EFNB3: variants seen among roughly 807,000 people sequenced by gnomAD.
EFNB3 encodes the protein ephrin-B3.
EFNB3 carries 14 observed loss-of-function variants against 29.8 expected under a neutral mutation model. The observed-to-expected ratio is 0.47, with a 90% CI of 0.31 to 0.73. The LOEUF (loss-of-function observed/expected upper bound fraction) is 0.73. Ranked by LOEUF, EFNB3 falls within the 30% of genes least tolerant of loss-of-function variation. The pLI is 0.05. For missense variants in EFNB3, 408 were observed against 458.0 expected, an observed-to-expected ratio of 0.89 and a Z score of 1.00; for synonymous variants, 216 against 191.6, an observed-to-expected ratio of 1.13 and a Z score of -1.05.
chr17:7,710,280 T>C lies in EFNB3; in HGVS notation c.*704T>C, dbSNP rs565873779. 6.5e-6 allele frequency: 1 copy of C among 153,830 alleles called. No individual in the cohort carries two copies. Among genetic ancestry groups the C allele is most frequent in the East Asian group, 1.9e-4 (1 of 5,174 alleles). The allele number at this position is 153,830 out of a possible 1,614,324, so 9.5% of individuals were successfully genotyped here. On this transcript the variant is annotated 3_prime_UTR_variant, in exon 5 of 5. Coordinates refer to ENST00000226091, the MANE Select transcript of EFNB3 (RefSeq NM_001406.4). ...GCCTCTACATACTTACTCCAGCCATTTGGGGTGGTTGGGTCATGACAGCTA... is the reference window on the plus strand; with the variant it reads ...GCCTCTACATACTTACTCCAGCCATCTGGGGTGGTTGGGTCATGACAGCTA...
chr17:7,705,598 C>T lies in EFNB3; in HGVS notation c.-1C>T. ...CCCGCCCCCCAGGCCTTGGCGGGGT[C>T]ATGGGGCCCCCCCATTCTGGGCCGG... On this transcript the variant is annotated 5_prime_UTR_variant, in exon 1 of 5. Transcript: ENST00000226091. This position sits in a 1 kb window ranked among gnomAD's most constrained non-coding sequence, Gnocchi z 5.4. The T allele has an allele frequency of 6.8e-7, 1 of 1,471,746 alleles. No individual in the cohort carries two copies. The highest frequency in any genetic ancestry group is 2.7e-5 in the East Asian group (1 of 36,802). The allele number at this position is 1,471,746 out of a possible 1,614,324, so 91.2% of individuals were successfully genotyped here.
chr17:7,709,048 C>T lies in EFNB3; in HGVS notation c.614-119C>T. The T allele has an allele frequency of 2.0e-5, 22 of 1,084,220 alleles. No individual in the cohort carries two copies. The highest frequency in any genetic ancestry group is 2.8e-5 in the Non-Finnish European group (21 of 742,370). The allele number at this position is 1,084,220 out of a possible 1,614,324, so 67.2% of individuals were successfully genotyped here. A position where few individuals can be genotyped will look rare whatever the true frequency, so the allele number is the denominator to read the frequency against. On this transcript the variant is annotated intron_variant, in intron 4 of 4. Coordinates refer to ENST00000226091, the MANE Select transcript of EFNB3 (RefSeq NM_001406.4). The surrounding 1 kb of genome is among the most constrained non-coding windows in gnomAD (Gnocchi z 4.5). Reference sequence around the variant, plus strand: ...CGGAGGGGGAGGAGAGATGGGGTCCCCAAGGGGCCTGGGCGCTACAAGGGA... The same window carrying T: ...CGGAGGGGGAGGAGAGATGGGGTCCTCAAGGGGCCTGGGCGCTACAAGGGA...
rs1201742078 is a variant in EFNB3 at position 7,709,243 on chromosome 17, G to A, written c.690G>A (p.Gly230=). 9 of 1,596,116 alleles carry A rather than the reference G, an allele frequency of 5.6e-6. No homozygotes were observed. Among genetic ancestry groups the A allele is most frequent in the East Asian group, 2.2e-5 (1 of 44,546 alleles). The change falls in exon 5 of 5, where the codon GGG becomes GGA. Residue 230 remains glycine (G), a synonymous_variant. Transcript: ENST00000226091. The surrounding 1 kb of genome is among the most constrained non-coding windows in gnomAD (Gnocchi z 4.5). ...LPPPSMPAVA[G]AAGGLALLLL... ...CTCCCAGCATGCCTGCAGTGGCTGGGGCAGCAGGGGGGCTGGCGCTGCTCT... is the reference window on the plus strand; with the variant it reads ...CTCCCAGCATGCCTGCAGTGGCTGGAGCAGCAGGGGGGCTGGCGCTGCTCT...
At position 7,708,565 on chromosome 17, in the gene EFNB3, GA is replaced by G. The variant is rs770049462; in HGVS notation, c.508+39del. The G allele has an allele frequency of 1.9e-6, 3 of 1,605,848 alleles. No individual in the cohort carries two copies. In the Admixed American group the frequency reaches 5.1e-5, roughly 27 times the overall value. ...GGGGGACACCTCCTGGGCACGAAGG[GA>G]CGTTGGGGCAGTACGATCATGGTTG... is the stretch of plus-strand genomic sequence containing the variant. On this transcript the variant is annotated intron_variant, in intron 3 of 4. Coordinates refer to ENST00000226091, the MANE Select transcript of EFNB3 (RefSeq NM_001406.4). This position sits in a 1 kb window ranked among gnomAD's most constrained non-coding sequence, Gnocchi z 6.8.
chr17:7,709,476 G>A lies in EFNB3; in HGVS notation c.923G>A (p.Cys308Tyr). 1 of 1,613,776 alleles carries A rather than the reference G, an allele frequency of 6.2e-7. No individual in the cohort carries two copies. The highest frequency in any genetic ancestry group is 1.1e-5 in the South Asian group (1 of 91,074). ...RGGGAADPPFCPHYEKVSGDY... is the reference protein window; with the variant it reads ...RGGGAADPPFYPHYEKVSGDY... The stretch of plus-strand genomic sequence containing the variant: ...GGCGGGGCTGCAGATCCCCCCTTCT[G>A]CCCCCACTATGAGAAGGTGAGTGGT... The change falls in exon 5 of 5, where the codon TGC becomes TAC. Residue 308 changes from cysteine to tyrosine, a missense_variant. Coordinates refer to ENST00000226091, the MANE Select transcript of EFNB3 (RefSeq NM_001406.4). This position sits in a 1 kb window ranked among gnomAD's most constrained non-coding sequence, Gnocchi z 4.5.
In EFNB3 at chr17:7,708,593, G is replaced by C. The variant is rs1450912943; in HGVS notation, c.509-42G>C. On this transcript the variant is annotated intron_variant, in intron 3 of 4. Coordinates refer to ENST00000226091, the MANE Select transcript of EFNB3 (RefSeq NM_001406.4). This position sits in a 1 kb window ranked among gnomAD's most constrained non-coding sequence, Gnocchi z 6.8. Reference sequence around the variant, plus strand: ...GTTGGGGCAGTACGATCATGGTTGGGGCAGTTGTCTCAGCCCCTCTCTGGG... The same window carrying C: ...GTTGGGGCAGTACGATCATGGTTGGCGCAGTTGTCTCAGCCCCTCTCTGGG... 1 of 1,589,622 alleles carries C rather than the reference G, an allele frequency of 6.3e-7. No individual in the cohort carries two copies. Among genetic ancestry groups the C allele is most frequent in the South Asian group, 1.1e-5 (1 of 87,824 alleles).
rs533742055 is a variant in EFNB3, at chr17:7,705,830, G to A, written c.122+110G>A. 11 of 1,348,766 alleles carry A rather than the reference G, an allele frequency of 8.2e-6. No homozygotes were observed. The highest frequency in any genetic ancestry group is 1.1e-5 in the Non-Finnish European group (11 of 1,008,898). 83.5% of individuals were successfully genotyped at this position (1,348,766 alleles called of 1,614,324 possible). On this transcript the variant is annotated intron_variant, in intron 1 of 4. Coordinates refer to ENST00000226091, the MANE Select transcript of EFNB3 (RefSeq NM_001406.4). This position sits in a 1 kb window ranked among gnomAD's most constrained non-coding sequence, Gnocchi z 5.4. Reference sequence around the variant, plus strand: ...GCAGGGAGGAGGCGGGAGGGAAGGTGCTGGTGCTCTGATGTGTGATGGGTT... The same window carrying A: ...GCAGGGAGGAGGCGGGAGGGAAGGTACTGGTGCTCTGATGTGTGATGGGTT...
At chr17:7,706,418 G>T (rs1046314504) in intron 1 of EFNB3, among the ~76,000 whole-genome samples, 1 of 152,060 alleles carries the variant, frequency 6.6e-6, no homozygotes, top group African/African-American at 2.4e-5. Context: ...AATCTTTGCT[G>T]CAAACTCTTC....
rs756226132 is a variant in EFNB3, at chr17:7,708,648, G to A, written c.522G>A (p.Gly174=). ...LLRVGQSPRG[G]AVPRKPVSEM... is the part of the protein sequence containing the mutation. ...CCTCATCTCCAGGTCCCCGAGGAGG[G>A]GCTGTCCCCCGAAAACCTGTGTCTG... Residue 174 remains glycine (G), a synonymous_variant, in exon 4 of 5, where the codon GGG becomes GGA. Coordinates refer to ENST00000226091, the MANE Select transcript of EFNB3 (RefSeq NM_001406.4). The surrounding 1 kb of genome is among the most constrained non-coding windows in gnomAD (Gnocchi z 6.8). 8 of 1,579,828 alleles carry A rather than the reference G, an allele frequency of 5.1e-6. No homozygotes were observed. Among genetic ancestry groups the A allele is most frequent in the South Asian group, 1.2e-5 (1 of 86,488 alleles).
At position 7,705,857 on chromosome 17, in the gene EFNB3, C is replaced by A. The variant is rs1202334962; in HGVS notation, c.122+137C>A. 4 of 1,079,526 alleles carry A rather than the reference C, an allele frequency of 3.7e-6. No homozygotes were observed. Among genetic ancestry groups the A allele is most frequent in the Non-Finnish European group, 5.1e-6 (4 of 779,280 alleles). The allele number at this position is 1,079,526 out of a possible 1,614,324, so 66.9% of individuals were successfully genotyped here. On this transcript the variant is annotated intron_variant, in intron 1 of 4. Coordinates refer to ENST00000226091, the MANE Select transcript of EFNB3 (RefSeq NM_001406.4). The surrounding 1 kb of genome is among the most constrained non-coding windows in gnomAD (Gnocchi z 5.4). The stretch of plus-strand genomic sequence containing the variant: ...TGGTGCTCTGATGTGTGATGGGTTA[C>A]TAGACAGGTGATCTTGGGAGCCAGA...
intron 1 of EFNB3, 140 bp from the exon 2 acceptor site, chr17:7,707,818 G>T: frequency 1.0e-6 from 1 of 960,980 alleles, no homozygotes; most frequent in Non-Finnish European, 1.5e-6. Context: ...TCTATAAGAA[G>T]AGACTTTCCA....
chr17:7,708,404 C>G lies in EFNB3; in HGVS notation c.416-31C>G. 1 of 1,602,838 alleles carries G rather than the reference C, an allele frequency of 6.2e-7. No individual in the cohort carries two copies. Among genetic ancestry groups the G allele is most frequent in the Non-Finnish European group, 8.5e-7 (1 of 1,174,472 alleles). Reference sequence around the variant, plus strand: ...AGAATCAGGGCTAGATTCTGGAGTGCCAACCTCTTCCTCTGGCTTTTCTCT... The same window carrying G: ...AGAATCAGGGCTAGATTCTGGAGTGGCAACCTCTTCCTCTGGCTTTTCTCT... On this transcript the variant is annotated intron_variant, in intron 2 of 4. Coordinates refer to ENST00000226091, the MANE Select transcript of EFNB3 (RefSeq NM_001406.4). The surrounding 1 kb of genome is among the most constrained non-coding windows in gnomAD (Gnocchi z 6.8).
chr17:7,709,205 G>C lies in EFNB3; in HGVS notation c.652G>C (p.Gly218Arg), dbSNP rs2151099715. 1.2e-6 allele frequency: 2 copies of C among 1,604,132 alleles called. No individual in the cohort carries two copies. Among genetic ancestry groups the C allele is most frequent in the South Asian group, 2.2e-5 (2 of 90,666 alleles). ...CAATGCAACCTCCCGGGGTGCTGAA[G>C]GCCCCCTGCCCCCTCCCAGCATGCC... Reference protein sequence around the residue: ...TSNATSRGAEGPLPPPSMPAV... With the variant: ...TSNATSRGAERPLPPPSMPAV... The change falls in exon 5 of 5, where the codon GGC becomes CGC. Residue 218 changes from glycine to arginine, a missense_variant. Physicochemically the swap from Gly to Arg is moderately radical, Grantham distance 125. Around this residue, in one of 3 missense-constraint regions of EFNB3, gnomAD observed 233 missense variants for 230.7 expected, o/e 1.01. Transcript: ENST00000226091. The surrounding 1 kb of genome is among the most constrained non-coding windows in gnomAD (Gnocchi z 4.5).
Position 7,708,264 on chromosome 17 carries a change from G to C in EFNB3, c.415+14G>C. On this transcript the variant is annotated intron_variant, in intron 2 of 4. Transcript: ENST00000226091. The surrounding 1 kb of genome is among the most constrained non-coding windows in gnomAD (Gnocchi z 6.8). The stretch of plus-strand genomic sequence containing the variant: ...ACTACATCATTGGTACTGCTGGGCA[G>C]AGGGCACGATTGAGTGGGGGGCTCC... The C allele has an allele frequency of 6.2e-7, 1 of 1,607,240 alleles. No homozygotes were observed. Among genetic ancestry groups the C allele is most frequent in the Non-Finnish European group, 8.5e-7 (1 of 1,178,448 alleles).
chr17:7,705,693 C>T lies in EFNB3; in HGVS notation c.95C>T (p.Pro32Leu). 1 of 1,555,366 alleles carries T rather than the reference C, an allele frequency of 6.4e-7. No homozygotes were observed. The highest frequency in any genetic ancestry group is 8.6e-7 in the Non-Finnish European group (1 of 1,158,192). Residue 32 changes from proline (P) to leucine (L), a missense_variant, in exon 1 of 5, where the codon CCT becomes CTT. Coordinates refer to ENST00000226091, the MANE Select transcript of EFNB3 (RefSeq NM_001406.4). The surrounding 1 kb of genome is among the most constrained non-coding windows in gnomAD (Gnocchi z 5.4). ...LGLVSGLSLE[P>L]VYWNSANKRF... The stretch of plus-strand genomic sequence containing the variant: ...CTGGTGTCTGGGCTCAGCCTGGAGC[C>T]TGTCTACTGGAACTCGGCGAATAAG...
intron 1 of EFNB3, among the ~76,000 whole-genome samples, chr17:7,707,000 C>T (rs1030314145): frequency 6.6e-6 from 1 of 152,154 alleles, no homozygotes; most frequent in African/African-American, 2.4e-5. Context: ...AGAACATAAG[C>T]TTGTTTTCAC....
At chr17:7,707,209 C>G (rs1047972838) in intron 1 of EFNB3, among the ~76,000 whole-genome samples, 1 of 152,118 alleles carries the variant, frequency 6.6e-6, no homozygotes, top group Non-Finnish European at 1.5e-5. Context: ...CAGTGGATGC[C>G]TGGGTGCACT....
At chr17:7,707,873 G>A (rs955171102) in intron 1 of EFNB3, 85 bp from the exon 2 acceptor site, 24 of 1,459,262 alleles carry the variant, frequency 1.6e-5, no homozygotes, top group Middle Eastern at 2.3e-4. Flanking sequence ...TGCTGTCCTG[G>A]AAGGTTGTGG....
At position 7,705,519 on chromosome 17, in the gene EFNB3, C is replaced by T; in HGVS notation, c.-80C>T. On this transcript the variant is annotated 5_prime_UTR_variant, in exon 1 of 5. Coordinates refer to ENST00000226091, the MANE Select transcript of EFNB3 (RefSeq NM_001406.4). This position sits in a 1 kb window ranked among gnomAD's most constrained non-coding sequence, Gnocchi z 5.4. ...ACCGGGGTGGTCCGGGCTGAAGAGC[C>T]AGGCAGCCAAGGCAGCCACCCCGGG... 2 of 702,548 alleles carry T rather than the reference C, an allele frequency of 2.8e-6. 1 individual carries two copies. Among genetic ancestry groups the T allele is most frequent in the Non-Finnish European group, 4.3e-6 (2 of 461,398 alleles). The allele number at this position is 702,548 out of a possible 1,614,324, so 43.5% of individuals were successfully genotyped here. A position where few individuals can be genotyped will look rare whatever the true frequency, so the allele number is the denominator to read the frequency against.
Sources: allele counts gnomAD v4.1 joint callset (sites outside exome capture counted in the v4.1 genomes callset), GRCh38; gene constraint gnomAD v4.1.1; regional missense constraint gnomAD v4.1.1; non-coding constraint Gnocchi (gnomAD v3.1); transcripts MANE v1.5; gene names NCBI Gene and HGNC (gene_info 2026-07-23, HGNC 2026-07-21).